CORO2B: variants seen among roughly 807,000 people sequenced by gnomAD.
CORO2B encodes coronin-2B.
Under a neutral mutation model 58.8 loss-of-function variants are expected in CORO2B, and 26 were observed. The ratio of observed to expected loss-of-function variants is 0.44; its 90% confidence interval spans 0.32 to 0.61. CORO2B has a LOEUF of 0.61. Among genes scored for constraint, CORO2B ranks in the 20% least tolerant of loss-of-function variants. The pLI is 0.04. For synonymous variants in CORO2B, 242 were observed against 253.8 expected (o/e 0.95, Z 0.44); for missense variants, 460 against 645.1 (o/e 0.71, Z 3.11).
At chr15:68,555,377 G>C in the CORO2B span, among the ~76,000 whole-genome samples, 1 of 152,322 alleles carries the variant, frequency 6.6e-6, no homozygotes, top group Non-Finnish European at 1.5e-5. Context: ...GAGGGACTGA[G>C]AGAATGAGCT....
chr15:68,688,895 C>T (rs984531352), intron 2 of CORO2B, among the ~76,000 whole-genome samples: 1 of 152,180 alleles, frequency 6.6e-6, no homozygotes, highest in Non-Finnish European at 1.5e-5. Context: ...CCCTACTTCA[C>T]ACTCCCACTC....
the CORO2B span, among the ~76,000 whole-genome samples, chr15:68,535,831 A>T: frequency 6.6e-6 from 1 of 152,214 alleles, no homozygotes; most frequent in Non-Finnish European, 1.5e-5. Context: ...GTTTGTAAGA[A>T]TTGTATGGAT....
the CORO2B span, among the ~76,000 whole-genome samples, chr15:68,528,595 C>G: frequency 6.6e-6 from 1 of 151,122 alleles, no homozygotes; most frequent in African/African-American, 2.4e-5. Context: ...GTTTTCTTCC[C>G]TTTTTTGGTA....
chr15:68,539,983 AGT>A, the CORO2B span, among the ~76,000 whole-genome samples: 997 of 152,340 alleles, frequency 6.5e-3, 8 homozygotes, highest in Non-Finnish European at 0.012. Flanking sequence ...AAAAGGGAGG[AGT>A]ATTTTAACAG....
In CORO2B at chr15:68,718,708, C is replaced by T. The variant is rs150277432; in HGVS notation, c.978C>T (p.Pro326=). Residue 326 remains proline, a synonymous_variant, in exon 9 of 12, where the codon CCC becomes CCT. Transcript: ENST00000261861. ...GTGTGCCTGTTACAGGGGTCATGCC[C>T]AAGCACGGGCTGGATGTGTCAGCCT... ...PAPQKGLGVM[P]KHGLDVSACE... is the part of the protein sequence containing the mutation. 2 of 1,614,104 alleles carry T rather than the reference C, an allele frequency of 1.2e-6. No homozygotes were observed. Among genetic ancestry groups the T allele is most frequent in the South Asian group, 1.1e-5 (1 of 91,058 alleles).
At position 68,716,137 on chromosome 15, in the gene CORO2B, G is replaced by A. The variant is rs764194979; in HGVS notation, c.967+826G>A. 1.7e-4 allele frequency among the ~76,000 whole-genome samples: 26 copies of A among 152,156 alleles called. 1 individual carries two copies. The highest frequency in any genetic ancestry group is 3.3e-4 in the Admixed American group (5 of 15,268). ...GCAAAATGGAAACCAAAAGATGTCC[G>A]AAGTCCTAATCACCATTCCATCAAC... On this transcript the variant is annotated intron_variant, in intron 8 of 11. Coordinates refer to ENST00000261861, the MANE Select transcript of CORO2B (RefSeq NM_006091.5).
intron 1 of CORO2B, among the ~76,000 whole-genome samples, chr15:68,601,383 C>T (rs769380979): frequency 1.3e-5 from 2 of 152,202 alleles, no homozygotes; most frequent in African/African-American, 4.8e-5. Flanking sequence ...ATCCTCTGAG[C>T]GTTGTCAGGT....
chr15:68,696,170 A>G (rs1267672689), intron 3 of CORO2B, among the ~76,000 whole-genome samples: 3 of 151,070 alleles, frequency 2.0e-5, no homozygotes, highest in Non-Finnish European at 4.4e-5. Flanking sequence ...GGATCACTTG[A>G]GCCTGGAAGG....
intron 2 of CORO2B, among the ~76,000 whole-genome samples, chr15:68,692,245 C>T (rs1038275650): frequency 2.0e-5 from 3 of 152,142 alleles, no homozygotes; most frequent in East Asian, 3.9e-4. Flanking sequence ...AGATAACGTG[C>T]GTAACCCTAA....
chr15:68,568,422 A>G, the CORO2B span, among the ~76,000 whole-genome samples: 1 of 152,156 alleles, frequency 6.6e-6, no homozygotes, highest in Non-Finnish European at 1.5e-5. Context: ...CATCATCACT[A>G]TTGCCCTTTA....
At chr15:68,649,325 C>T (rs1212287070) in intron 2 of CORO2B, among the ~76,000 whole-genome samples, 1 of 152,032 alleles carries the variant, frequency 6.6e-6, no homozygotes, top group Non-Finnish European at 1.5e-5. Flanking sequence ...CTCACACTAC[C>T]AATTGATTTC....
At chr15:68,598,962 A>G (rs575777621) in intron 1 of CORO2B, among the ~76,000 whole-genome samples, 5 of 152,226 alleles carry the variant, frequency 3.3e-5, no homozygotes, top group Admixed American at 1.3e-4. Flanking sequence ...GAGTGAGGCT[A>G]GGGGTTAGGG....
chr15:68,519,523 A>G, the CORO2B span, among the ~76,000 whole-genome samples: 62 of 152,116 alleles, frequency 4.1e-4, no homozygotes, highest in African/African-American at 1.4e-3. Context: ...TTATCTTTTC[A>G]TTACTCATAT....
intron 2 of CORO2B, among the ~76,000 whole-genome samples, chr15:68,651,788 G>A (rs554870481): frequency 8.6e-4 from 131 of 152,124 alleles, no homozygotes; most frequent in Non-Finnish European, 1.4e-3. Context: ...TCCCTGCCCC[G>A]AGGCCACACC....
At chr15:68,568,998 A>G in the CORO2B span, among the ~76,000 whole-genome samples, 1 of 152,234 alleles carries the variant, frequency 6.6e-6, no homozygotes, top group East Asian at 1.9e-4. Flanking sequence ...TAAAAATTTT[A>G]AAAAGCACAT....
chr15:68,665,143 T>G (rs1902153684), intron 2 of CORO2B, among the ~76,000 whole-genome samples: 1 of 152,246 alleles, frequency 6.6e-6, no homozygotes, highest in Admixed American at 6.5e-5. Flanking sequence ...TGGTGCATTT[T>G]GAACTTATCT....
Position 68,645,400 on chromosome 15 carries a change from G to T in CORO2B, c.216+40G>T. ...CCTTCACTCCAGCTGCAGCTCCAGG[G>T]CAGAGAGGAGCCCTCCTTGGTCTCT... is the stretch of plus-strand genomic sequence containing the variant. On this transcript the variant is annotated intron_variant, in intron 2 of 11. Transcript: ENST00000261861. This position sits in a 1 kb window ranked among gnomAD's most constrained non-coding sequence, Gnocchi z 4.5. 2 of 1,588,076 alleles carry T rather than the reference G, an allele frequency of 1.3e-6. No individual in the cohort carries two copies. Among genetic ancestry groups the T allele is most frequent in the Non-Finnish European group, 1.7e-6 (2 of 1,166,114 alleles).
the CORO2B span, among the ~76,000 whole-genome samples, chr15:68,559,394 T>C: frequency 6.6e-6 from 1 of 151,394 alleles, no homozygotes; most frequent in Non-Finnish European, 1.5e-5. The surrounding 1 kb of genome is among the most constrained non-coding windows in gnomAD (Gnocchi z 4.3). Flanking sequence ...TTCTGGTCAA[T>C]CGTTCTTAAA....
chr15:68,530,288 G>T, the CORO2B span, among the ~76,000 whole-genome samples: 1 of 152,116 alleles, frequency 6.6e-6, no homozygotes, highest in African/African-American at 2.4e-5. Flanking sequence ...TGGCGCCACC[G>T]CACTCCAACC....
Sources: gnomAD v4.1 joint callset for allele counts (sites outside exome capture counted in the v4.1 genomes callset) on GRCh38, gnomAD v4.1.1 for gene constraint, Gnocchi (gnomAD v3.1) non-coding constraint, MANE v1.5 for transcripts, NCBI Gene and HGNC (gene_info 2026-07-23, HGNC 2026-07-21) for gene names.